PLCE1: variants seen among roughly 807,000 people sequenced by gnomAD.
PLCE1 encodes phospholipase C epsilon 1.
PLCE1 carries 119 observed loss-of-function variants against 242.8 expected under a neutral mutation model. That is an observed-to-expected ratio of 0.49 (90% CI 0.42 to 0.57). The LOEUF is 0.57. Ranked by LOEUF, PLCE1 falls within the 20% of genes least tolerant of loss-of-function variation. The pLI is 0.00. For missense variants in PLCE1, 2,441 were observed against 2,788.8 expected, an observed-to-expected ratio of 0.88 and a Z score of 2.81; for synonymous variants, 945 against 1,017.4, an observed-to-expected ratio of 0.93 and a Z score of 1.35.
intron 1 of PLCE1, among the ~76,000 whole-genome samples, chr10:94,023,378 C>T (rs1251669489): frequency 1.3e-5 from 2 of 152,174 alleles, no homozygotes; most frequent in African/African-American, 4.8e-5. Flanking sequence ...ACTTTTCTCT[C>T]TTTTCATATC....
At chr10:94,294,917 T>C (rs1367878966) in intron 23 of PLCE1, among the ~76,000 whole-genome samples, 1 of 144,874 alleles carries the variant, frequency 6.9e-6, no homozygotes, top group African/African-American at 2.6e-5. Flanking sequence ...AACTTTTTTT[T>C]TTTTTTTTTT....
intron 1 of PLCE1, among the ~76,000 whole-genome samples, chr10:93,994,517 A>G (rs78350820): frequency 0.019 from 2,848 of 152,354 alleles, 47 homozygotes; most frequent in African/African-American, 0.045. Flanking sequence ...CGTGTTGTGA[A>G]TACGGTGTGG....
At chr10:94,054,085 T>C (rs1398512443) in intron 2 of PLCE1, among the ~76,000 whole-genome samples, 2 of 152,062 alleles carry the variant, frequency 1.3e-5, no homozygotes, top group African/African-American at 2.4e-5. Flanking sequence ...TTCCTTATGG[T>C]CTAGTGGGGC....
intron 2 of PLCE1, among the ~76,000 whole-genome samples, chr10:94,049,900 C>T (rs1589918525): frequency 6.6e-6 from 1 of 152,148 alleles, no homozygotes; most frequent in Non-Finnish European, 1.5e-5. Context: ...TTTTACCCAA[C>T]CTTATATCTG....
intron 4 of PLCE1, among the ~76,000 whole-genome samples, chr10:94,212,174 C>T (rs1434727501): frequency 6.6e-6 from 1 of 152,176 alleles, no homozygotes; most frequent in African/African-American, 2.4e-5. Context: ...GCAACCTCTG[C>T]CTCCCAGGTT....
chr10:94,237,456 T>A lies in PLCE1; in HGVS notation c.2420+1336T>A, dbSNP rs560011713. Among the ~76,000 whole-genome samples the A allele has an allele frequency of 2.0e-5, 3 of 152,334 alleles. No individual in the cohort carries two copies. The South Asian group carries it at 6.2e-4, about 32-fold the overall frequency. On this transcript the variant is annotated intron_variant, in intron 7 of 32. Transcript: ENST00000371380. ...CCCGTTATGAAATTTTTGTCTCTAA[T>A]TTTCTCCACAGTCTCTTGTCTTTTT...
At chr10:94,020,045 T>C (rs532540416) in intron 1 of PLCE1, among the ~76,000 whole-genome samples, 1 of 152,356 alleles carries the variant, frequency 6.6e-6, no homozygotes, top group South Asian at 2.1e-4. Flanking sequence ...GATTGTAAAA[T>C]GTATTTAAGT....
Position 94,262,739 on chromosome 10 carries a change from G to A in PLCE1, c.4053+7G>A, listed in dbSNP as rs373429732. On this transcript the variant is annotated splice_region_variant and intron_variant, in intron 14 of 32. Coordinates refer to ENST00000371380, the MANE Select transcript of PLCE1 (RefSeq NM_016341.4). ...AATCCTCAGCATCATCCAGGTTTGTGCCTGTTTTGTGTGTGCATGTGTGTG... is the reference window on the plus strand; with the variant it reads ...AATCCTCAGCATCATCCAGGTTTGTACCTGTTTTGTGTGTGCATGTGTGTG... The A allele has an allele frequency of 1.8e-5, 29 of 1,591,802 alleles. No homozygotes were observed. The African/African-American group carries it at 3.8e-4, about 21-fold the overall frequency.
intron 7 of PLCE1, among the ~76,000 whole-genome samples, chr10:94,243,033 G>C (rs945631993): frequency 6.6e-6 from 1 of 152,154 alleles, no homozygotes; most frequent in Non-Finnish European, 1.5e-5. Context: ...AGAGTGAGTT[G>C]GGCATGGTGA....
intron 1 of PLCE1, among the ~76,000 whole-genome samples, chr10:94,014,443 A>G (rs533700522): frequency 1.1e-3 from 171 of 151,910 alleles, no homozygotes; most frequent in African/African-American, 3.9e-3. Context: ...GTCTTTAAAA[A>G]AAAAAAAAAA....
At chr10:94,070,083 A>G (rs1251705658) in intron 2 of PLCE1, among the ~76,000 whole-genome samples, 1 of 152,184 alleles carries the variant, frequency 6.6e-6, no homozygotes, top group African/African-American at 2.4e-5. Context: ...GAGTGAGGTA[A>G]TGTGCTGTAC....
intron 29 of PLCE1, among the ~76,000 whole-genome samples, chr10:94,319,371 GGA>G (rs2053696051): frequency 6.6e-6 from 1 of 152,142 alleles, no homozygotes; most frequent in African/African-American, 2.4e-5. Context: ...CACTACTAGA[GGA>G]GACAGATTTG....
chr10:94,235,901 A>AT lies in PLCE1; in HGVS notation c.2215-5dup, dbSNP rs375190245. ...ATTAAGTTGCAATAGCAAATTCTCG[A>AT]TTTTTTTTTGTAGTTTGTAGCAGAT... On this transcript the variant is annotated splice_polypyrimidine_tract_variant and intron_variant, in intron 6 of 32. Transcript: ENST00000371380. 1.8e-4 allele frequency: 288 copies of AT among 1,590,146 alleles called. No individual in the cohort carries two copies. The highest frequency in any genetic ancestry group is 5.9e-4 in the African/African-American group (44 of 74,344).
At chr10:94,015,315 G>A (rs969596412) in intron 1 of PLCE1, among the ~76,000 whole-genome samples, 5 of 152,090 alleles carry the variant, frequency 3.3e-5, no homozygotes, top group Non-Finnish European at 7.4e-5. Flanking sequence ...TTGCAGGAAA[G>A]CAACCAAGGT....
intron 2 of PLCE1, among the ~76,000 whole-genome samples, chr10:94,033,040 A>T (rs7896839): frequency 6.6e-6 from 1 of 151,810 alleles, no homozygotes; most frequent in Non-Finnish European, 1.5e-5. Flanking sequence ...CACTATTTAC[A>T]TAGTATAAGG....
At chr10:94,187,729 C>T (rs1316490524) in intron 4 of PLCE1, among the ~76,000 whole-genome samples, 1 of 152,174 alleles carries the variant, frequency 6.6e-6, no homozygotes, top group East Asian at 1.9e-4. Context: ...TGCCCTGGCA[C>T]ATGGACTTAC....
intron 7 of PLCE1, among the ~76,000 whole-genome samples, chr10:94,242,808 A>G (rs2050554224): frequency 6.6e-6 from 1 of 151,440 alleles, no homozygotes; most frequent in African/African-American, 2.4e-5. Flanking sequence ...CCCAATAGCC[A>G]CAGCAACAAA....
At chr10:94,012,147 C>T (rs1267138494) in intron 1 of PLCE1, among the ~76,000 whole-genome samples, 1 of 152,020 alleles carries the variant, frequency 6.6e-6, no homozygotes, top group Non-Finnish European at 1.5e-5. Flanking sequence ...GTAACATGGC[C>T]GATATTTTCC....
At chr10:94,102,998 AAG>A (rs2045594169) in intron 2 of PLCE1, among the ~76,000 whole-genome samples, 1 of 152,262 alleles carries the variant, frequency 6.6e-6, no homozygotes, top group African/African-American at 2.4e-5. Context: ...CATGTTTTAA[AAG>A]AGTTCTTGCT....
Sources: allele counts gnomAD v4.1 joint callset (sites outside exome capture counted in the v4.1 genomes callset), GRCh38; gene constraint gnomAD v4.1.1; transcripts MANE v1.5; gene names NCBI Gene and HGNC (gene_info 2026-07-23, HGNC 2026-07-21).